The following KAT2B variants were observed in gnomAD, a reference collection of about 807,000 sequenced individuals.
The protein encoded by KAT2B is histone acetyltransferase KAT2B.
KAT2B carries 36 observed loss-of-function variants against 105.9 expected under a neutral mutation model. That is an observed-to-expected ratio of 0.34 (90% CI 0.26 to 0.45). The LOEUF (loss-of-function observed/expected upper bound fraction) is 0.45, where lower values mean the gene tolerates loss of function less well. Among genes scored for constraint, KAT2B ranks in the 20% least tolerant of loss-of-function variants. KAT2B has a pLI of 1.00. For missense variants in KAT2B, 820 were observed against 1,021.6 expected, an observed-to-expected ratio of 0.80 and a Z score of 2.69; for synonymous variants, 397 against 377.9, an observed-to-expected ratio of 1.05 and a Z score of -0.59.
chr3:20,120,774 C>T (rs1279746502), intron 8 of KAT2B, among the ~76,000 whole-genome samples: 1 of 152,002 alleles, frequency 6.6e-6, no homozygotes, highest in African/African-American at 2.4e-5. Context: ...GCATTTCTGT[C>T]CACAGACTTG....
At chr3:20,109,934 A>G (rs1699090005) in intron 5 of KAT2B, among the ~76,000 whole-genome samples, 1 of 152,160 alleles carries the variant, frequency 6.6e-6, no homozygotes, top group Non-Finnish European at 1.5e-5. Flanking sequence ...ACTAACACTA[A>G]TGAAAGCTTT....
intron 1 of KAT2B, among the ~76,000 whole-genome samples, chr3:20,069,821 G>A (rs573432820): frequency 3.3e-5 from 5 of 152,236 alleles, no homozygotes; most frequent in African/African-American, 4.8e-5. Flanking sequence ...GAGCCACTGC[G>A]CCCGGCCAAG....
At chr3:20,054,220 C>G (rs1559511520) in intron 1 of KAT2B, among the ~76,000 whole-genome samples, 1 of 151,706 alleles carries the variant, frequency 6.6e-6, no homozygotes, top group Non-Finnish European at 1.5e-5. Flanking sequence ...ATCTCCGCCT[C>G]CTGGGTTCAA....
At chr3:20,096,390 G>A (rs531363789) in intron 3 of KAT2B, among the ~76,000 whole-genome samples, 1 of 152,090 alleles carries the variant, frequency 6.6e-6, no homozygotes, top group Non-Finnish European at 1.5e-5. Flanking sequence ...AAGGAAACTG[G>A]TGGTGGAAAT....
chr3:20,088,376 C>G (rs954097316), intron 2 of KAT2B, among the ~76,000 whole-genome samples: 1 of 152,150 alleles, frequency 6.6e-6, no homozygotes, highest in Non-Finnish European at 1.5e-5. Context: ...TTCCCACCAA[C>G]AGTGTGCAAG....
chr3:20,109,613 A>G (rs1278031460), intron 5 of KAT2B, among the ~76,000 whole-genome samples: 2 of 152,156 alleles, frequency 1.3e-5, no homozygotes, highest in African/African-American at 4.8e-5. Flanking sequence ...CCACCATGCC[A>G]TGCCTAGCCA....
intron 1 of KAT2B, among the ~76,000 whole-genome samples, chr3:20,053,907 C>T (rs967313556): frequency 3.3e-5 from 5 of 152,118 alleles, no homozygotes; most frequent in African/African-American, 4.8e-5. Flanking sequence ...AAGTGATTCT[C>T]CTGCCTCAGT....
chr3:20,098,374 T>G (rs1698849711), intron 3 of KAT2B, among the ~76,000 whole-genome samples: 1 of 152,208 alleles, frequency 6.6e-6, no homozygotes, highest in Non-Finnish European at 1.5e-5. Context: ...CTCTATCACT[T>G]ACTAAATGTG....
chr3:20,125,873 T>C, intron 9 of KAT2B, 32 bp from the exon 10 acceptor site: 1 of 1,554,864 alleles, frequency 6.4e-7, no homozygotes, highest in Non-Finnish European at 8.9e-7. Context: ...AGAATAGCTC[T>C]GTGTAATTTT....
intron 1 of KAT2B, among the ~76,000 whole-genome samples, chr3:20,059,558 A>G (rs1698062620): frequency 6.6e-6 from 1 of 150,732 alleles, no homozygotes; most frequent in Non-Finnish European, 1.5e-5. Context: ...ACAAAAAATT[A>G]GCCAGGTGTG....
chr3:20,144,627 T>A (rs1164965375), intron 13 of KAT2B, among the ~76,000 whole-genome samples: 2 of 150,496 alleles, frequency 1.3e-5, no homozygotes, highest in Non-Finnish European at 3.0e-5. Flanking sequence ...GATTTGGACT[T>A]ATAATAAATA....
At chr3:20,062,244 T>A (rs1355381761) in intron 1 of KAT2B, among the ~76,000 whole-genome samples, 2 of 36,972 alleles carry the variant, frequency 5.4e-5, no homozygotes, top group African/African-American at 2.2e-4. Context: ...ATAAAATATA[T>A]AATATATAAA....
At chr3:20,045,582 T>C (rs1697795717) in intron 1 of KAT2B, among the ~76,000 whole-genome samples, 1 of 152,076 alleles carries the variant, frequency 6.6e-6, no homozygotes, top group Non-Finnish European at 1.5e-5. Flanking sequence ...AATCCAAATC[T>C]TCTTGAATTA....
rs530546683 is a variant in KAT2B, at chr3:20,124,356, C to T, written c.1414-1549C>T. ...GCATCTGCTCAGCTTCTGGGGAGGC[C>T]TCAGGGAACTTATACTCATGGTGCA... is the stretch of plus-strand genomic sequence containing the variant. On this transcript the variant is annotated intron_variant, in intron 9 of 17. Coordinates refer to ENST00000263754, the MANE Select transcript of KAT2B (RefSeq NM_003884.5). 1.3e-4 allele frequency among the ~76,000 whole-genome samples: 20 copies of T among 152,210 alleles called. No homozygotes were observed. In the South Asian group the frequency reaches 3.1e-3, roughly 24 times the overall value.
In KAT2B at chr3:20,152,652, TG is replaced by T; in HGVS notation, c.*128del. On this transcript the variant is annotated 3_prime_UTR_variant, in exon 18 of 18. Transcript: ENST00000263754. ...TTGTAAATGTAATAATTAGCACTTT[TG>T]AAAAAACAAAAAACCTCCTTTTAGC... 1.5e-6 allele frequency: 1 copy of T among 671,310 alleles called. No individual in the cohort carries two copies. The highest frequency in any genetic ancestry group is 2.4e-6 in the Non-Finnish European group (1 of 421,294). The allele number at this position is 671,310 out of a possible 1,614,324, so 41.6% of individuals were successfully genotyped here.
At chr3:20,056,223 A>G (rs1333395526) in intron 1 of KAT2B, among the ~76,000 whole-genome samples, 1 of 152,196 alleles carries the variant, frequency 6.6e-6, no homozygotes, top group African/African-American at 2.4e-5. Flanking sequence ...TGGAGGGGTG[A>G]GAATTAGTTT....
At chr3:20,047,606 CTTTT>C (rs35457765) in intron 1 of KAT2B, among the ~76,000 whole-genome samples, 1 of 117,846 alleles carries the variant, frequency 8.5e-6, no homozygotes, top group Non-Finnish European at 1.7e-5. Flanking sequence ...CCGTGAGTAC[CTTTT>C]TTTTTTTTTT....
intron 7 of KAT2B, 37 bp from the exon 8 acceptor site, chr3:20,119,561 A>G (rs774699311): frequency 1.9e-6 from 3 of 1,612,452 alleles, no homozygotes; most frequent in Non-Finnish European, 2.5e-6. Flanking sequence ...GAAAGGAGTC[A>G]GTCATCTAAC....
intron 2 of KAT2B, among the ~76,000 whole-genome samples, chr3:20,094,213 GGAAGGT>G (rs1002714747): frequency 6.6e-6 from 1 of 152,134 alleles, no homozygotes; most frequent in African/African-American, 2.4e-5. Context: ...CAATCATGGT[GGAAGGT>G]GAAGGAGAAG....
Sources: allele counts gnomAD v4.1 joint callset (sites outside exome capture counted in the v4.1 genomes callset), GRCh38; gene constraint gnomAD v4.1.1; transcripts MANE v1.5; gene names NCBI Gene and HGNC (gene_info 2026-07-23, HGNC 2026-07-21).